The following GP2 variants were observed in gnomAD, a reference collection of about 807,000 sequenced individuals.
GP2 encodes the protein glycoprotein 2, also known as pancreatic secretory granule membrane major glycoprotein GP2.
In GP2, 58 loss-of-function variants were observed where a neutral mutation model predicts 60.8. The ratio of observed to expected loss-of-function variants is 0.95; its 90% CI spans 0.77 to 1.19. The LOEUF is 1.19. GP2 is among the 50% of genes most tolerant of loss of function. GP2 has a pLI of 0.00. For synonymous variants in GP2, 280 were observed against 253.4 expected (o/e 1.10, Z -1.00); for missense variants, 647 against 667.4 (o/e 0.97, Z 0.34).
At chr16:20,319,223 C>G (rs1964274686) in intron 6 of GP2, among the ~76,000 whole-genome samples, 1 of 152,108 alleles carries the variant, frequency 6.6e-6, no homozygotes, top group Non-Finnish European at 1.5e-5. Flanking sequence ...TCCCTGCTCC[C>G]AAAGCACCCC....
intron 10 of GP2, 52 bp from the exon 11 acceptor site, chr16:20,311,333 C>A (rs760636933): frequency 1.8e-6 from 2 of 1,123,982 alleles, no homozygotes; most frequent in South Asian, 1.2e-5. Context: ...GAGTCAGGAG[C>A]AAACATAAGT....
In GP2 at chr16:20,316,123, G is replaced by C. The variant is rs1312244170; in HGVS notation, c.1417-83C>G. On this transcript the variant is annotated intron_variant, in intron 8 of 10. Coordinates refer to ENST00000302555, the MANE Select transcript of GP2 (RefSeq NM_001502.4). Reference sequence around the variant, plus strand: ...ACTGCTCCTACAATGGGCAGCTCTGGACCAAGAACTGTGTCCAGAACTGGT... The same window carrying C: ...ACTGCTCCTACAATGGGCAGCTCTGCACCAAGAACTGTGTCCAGAACTGGT... 7 of 846,194 alleles carry C rather than the reference G, an allele frequency of 8.3e-6. No individual in the cohort carries two copies. The Admixed American group carries it at 9.1e-5, about 11-fold the overall frequency. 52.4% of individuals were successfully genotyped at this position (846,194 alleles called of 1,614,324 possible).
rs771030309 is a variant in GP2 at position 20,323,806 on chromosome 16, T to C, written c.535+10A>G. ...TGTGTAGCTGCCTCCTCCAGGGCTC[T>C]GCTGCTCACCTGTGCAGTATCTCAG... On this transcript the variant is annotated intron_variant, in intron 3 of 10. Transcript: ENST00000302555. 6.9e-6 allele frequency: 11 copies of C among 1,583,188 alleles called. No homozygotes were observed. Among genetic ancestry groups the C allele is most frequent in the Non-Finnish European group, 2.6e-6 (3 of 1,159,856 alleles).
chr16:20,312,685 T>C (rs900130313), intron 10 of GP2, among the ~76,000 whole-genome samples: 6 of 152,080 alleles, frequency 3.9e-5, no homozygotes, highest in Non-Finnish European at 8.8e-5. Flanking sequence ...AGTTTTGCTT[T>C]TGTTGCCCAG....
At chr16:20,324,449 C>T (rs1482059423) in intron 2 of GP2, among the ~76,000 whole-genome samples, 193 bp from the exon 3 acceptor site, 2 of 152,220 alleles carry the variant, frequency 1.3e-5, no homozygotes, top group East Asian at 1.9e-4. Flanking sequence ...TGGTATTTTA[C>T]AGGCATTGAG....
In GP2 at chr16:20,317,314, G is replaced by T. The variant is rs752620491; in HGVS notation, c.1315C>A (p.Arg439=). The change falls in exon 8 of 11, where the codon CGG becomes AGG. Residue 439 remains arginine (R), a synonymous_variant. Transcript: ENST00000302555. ...AACATGAACATCTGAACTGAGAACCGGCTTTCCGAGGACTGCCCATTCTCC... is the reference window on the plus strand; with the variant it reads ...AACATGAACATCTGAACTGAGAACCTGCTTTCCGAGGACTGCCCATTCTCC... ...VEENGQSSES[R]FSVQMFMFAG... 6.2e-7 allele frequency: 1 copy of T among 1,613,240 alleles called. No homozygotes were observed. Among genetic ancestry groups the T allele is most frequent in the East Asian group, 2.2e-5 (1 of 44,872 alleles).
chr16:20,315,344 T>A (rs1473282799), intron 9 of GP2, among the ~76,000 whole-genome samples: 1 of 152,190 alleles, frequency 6.6e-6, no homozygotes, highest in Non-Finnish European at 1.5e-5. Flanking sequence ...CTTTCACTTC[T>A]CCATCCTGGT....
At chr16:20,315,530 G>T (rs753887218) in intron 9 of GP2, among the ~76,000 whole-genome samples, 1 of 152,078 alleles carries the variant, frequency 6.6e-6, no homozygotes, top group African/African-American at 2.4e-5. Context: ...TAGGACTTAC[G>T]CCTCACCCAT....
At chr16:20,320,080 G>A (rs1208381838) in intron 5 of GP2, among the ~76,000 whole-genome samples, 182 bp downstream of exon 5, 6 of 152,150 alleles carry the variant, frequency 3.9e-5, no homozygotes, top group Non-Finnish European at 8.8e-5. Context: ...TGTAGCTTAC[G>A]TTTATGAAAC....
At chr16:20,316,419 G>A (rs1197347806) in intron 8 of GP2, among the ~76,000 whole-genome samples, 1 of 152,234 alleles carries the variant, frequency 6.6e-6, no homozygotes, top group Non-Finnish European at 1.5e-5. Flanking sequence ...GCAGGCAAGA[G>A]CAGGGGCACT....
chr16:20,310,250 G>C lies in GP2; in HGVS notation c.*973C>G, dbSNP rs1963960061. On this transcript the variant is annotated 3_prime_UTR_variant, in exon 11 of 11. Transcript: ENST00000302555. ...CAGAGCAAGCACAGCACTGTTTACAGTGAGAGGTACTCCCTTGGGTGATGG... is the reference window on the plus strand; with the variant it reads ...CAGAGCAAGCACAGCACTGTTTACACTGAGAGGTACTCCCTTGGGTGATGG... The C allele has an allele frequency of 1.3e-5, 2 of 152,212 alleles. No homozygotes were observed. Among genetic ancestry groups the C allele is most frequent in the South Asian group, 4.1e-4 (2 of 4,828 alleles). The allele number at this position is 152,212 out of a possible 1,614,324, so 9.4% of individuals were successfully genotyped here. A position where few individuals can be genotyped will look rare whatever the true frequency, so the allele number is the denominator to read the frequency against.
chr16:20,318,509 C>T (rs1483786988), intron 6 of GP2, 79 bp from the exon 7 acceptor site: 17 of 1,335,238 alleles, frequency 1.3e-5, no homozygotes, highest in Middle Eastern at 2.1e-4. Context: ...AACACACTTA[C>T]GAAGGCAAGG....
chr16:20,327,441 C>T (rs916957052), intron 1 of GP2, 26 bp downstream of exon 1: 4 of 1,274,156 alleles, frequency 3.1e-6, no homozygotes, highest in Non-Finnish European at 4.1e-6. Context: ...AGGAGGAAGC[C>T]TCCTGGGGCT....
At position 20,314,800 on chromosome 16, in the gene GP2, C is replaced by T. The variant is rs539241737; in HGVS notation, c.1502-99G>A. The T allele has an allele frequency of 7.5e-5, 64 of 854,634 alleles. 1 individual carries two copies. Among genetic ancestry groups the T allele is most frequent in the South Asian group, 6.4e-4 (47 of 73,238 alleles). The allele number at this position is 854,634 out of a possible 1,614,324, so 52.9% of individuals were successfully genotyped here. On this transcript the variant is annotated intron_variant, in intron 9 of 10. Transcript: ENST00000302555. ...TTCACATCCTCCTAGACCTGGCCATCGCAACCACCAGCAAGTTTGTGGCCA... is the reference window on the plus strand; with the variant it reads ...TTCACATCCTCCTAGACCTGGCCATTGCAACCACCAGCAAGTTTGTGGCCA...
intron 6 of GP2, among the ~76,000 whole-genome samples, chr16:20,318,669 C>A (rs1220224921): frequency 1.3e-5 from 2 of 152,208 alleles, no homozygotes; most frequent in Admixed American, 1.3e-4. Context: ...ATCTCCCTTG[C>A]TGAAGGAATA....
rs749502475 is a variant in GP2, at chr16:20,320,389, C to T, written c.731G>A (p.Gly244Asp). The change falls in exon 5 of 11, where the codon GGT becomes GAT. Residue 244 changes from glycine (G) to aspartate (D), a missense_variant. Physicochemically the swap from Gly to Asp is moderately conservative, Grantham distance 94. Coordinates refer to ENST00000302555, the MANE Select transcript of GP2 (RefSeq NM_001502.4). ...KVDKCLLGGL[G>D]LGEEVIAYLR... is the part of the protein sequence containing the mutation. ...GTAGGCAATGACCTCCTCCCCCAAA[C>T]CCAGGCCTCCCAGCAAACATTTGTC... 6.8e-6 allele frequency: 11 copies of T among 1,613,780 alleles called. No homozygotes were observed. The highest frequency in any genetic ancestry group is 9.3e-6 in the Non-Finnish European group (11 of 1,179,784).
At chr16:20,322,439 G>A (rs1964391863) in intron 4 of GP2, among the ~76,000 whole-genome samples, 1 of 152,136 alleles carries the variant, frequency 6.6e-6, no homozygotes, top group South Asian at 2.1e-4. Flanking sequence ...GCCCTGTATG[G>A]TGGGTATTAT....
chr16:20,315,008 G>T (rs964031662), intron 9 of GP2, among the ~76,000 whole-genome samples: 1 of 152,200 alleles, frequency 6.6e-6, no homozygotes, highest in Non-Finnish European at 1.5e-5. Context: ...CAGTAGCAGA[G>T]CTGGGATTCA....
intron 6 of GP2, among the ~76,000 whole-genome samples, chr16:20,318,858 A>G (rs1210394335): frequency 6.6e-6 from 1 of 152,172 alleles, no homozygotes; most frequent in East Asian, 1.9e-4. Flanking sequence ...CCCCAGCACC[A>G]AACCATCTGG....
Sources: allele counts gnomAD v4.1 joint callset (sites outside exome capture counted in the v4.1 genomes callset), GRCh38; gene constraint gnomAD v4.1.1; transcripts MANE v1.5; gene names NCBI Gene and HGNC (gene_info 2026-07-23, HGNC 2026-07-21).